The following CACNB4 variants were observed in gnomAD, a reference collection of about 807,000 sequenced individuals.
The protein encoded by CACNB4 is voltage-dependent L-type calcium channel subunit beta-4.
Under a neutral mutation model 71.2 loss-of-function variants are expected in CACNB4, and 32 were observed. The ratio of observed to expected loss-of-function variants is 0.45; its 90% CI spans 0.34 to 0.60. The LOEUF is 0.60. Ranked by LOEUF, CACNB4 falls within the 20% of genes least tolerant of loss-of-function variation. The pLI is 0.01. For synonymous variants in CACNB4, 231 were observed against 236.9 expected (o/e 0.97, Z 0.23); for missense variants, 464 against 647.9 (o/e 0.72, Z 3.08).
At chr2:151,898,762 C>T (rs1207123161) in intron 2 of CACNB4, among the ~76,000 whole-genome samples, 1 of 152,160 alleles carries the variant, frequency 6.6e-6, no homozygotes, top group Non-Finnish European at 1.5e-5. Context: ...GATAAATTCA[C>T]AAACCATATG....
intron 4 of CACNB4, chr2:151,880,312 C>G (rs1578608503): frequency 6.5e-6 from 1 of 154,894 alleles, no homozygotes; most frequent in African/African-American, 2.4e-5. Context: ...TCCCAGAGCC[C>G]TCTGCCCTTT....
rs997317840 is a variant in CACNB4, at chr2:151,982,903, C to T, written c.148-99533G>A. Among the ~76,000 whole-genome samples, 20 of 152,228 alleles carry T rather than the reference C, an allele frequency of 1.3e-4. No individual in the cohort carries two copies. In the South Asian group the frequency reaches 4.1e-3, roughly 32 times the overall value. Reference sequence around the variant, plus strand: ...GAGGTCAGTAGAATAGGAATAAAGACAACCAGAAAAATACATACAGAAAGT... The same window carrying T: ...GAGGTCAGTAGAATAGGAATAAAGATAACCAGAAAAATACATACAGAAAGT... On this transcript the variant is annotated intron_variant, in intron 2 of 13. Transcript: ENST00000539935.
chr2:151,918,957 G>A (rs1315493398), intron 2 of CACNB4, among the ~76,000 whole-genome samples: 1 of 152,154 alleles, frequency 6.6e-6, no homozygotes, highest in Non-Finnish European at 1.5e-5. Context: ...TAAATCAAAA[G>A]GTATGTAGGA....
chr2:152,073,337 T>A (rs1344908628), intron 2 of CACNB4, among the ~76,000 whole-genome samples: 1 of 152,080 alleles, frequency 6.6e-6, no homozygotes, highest in East Asian at 1.9e-4. Context: ...CACATCTCCC[T>A]CTCCAACCCT....
chr2:152,060,330 G>T (rs1463073079), intron 2 of CACNB4, among the ~76,000 whole-genome samples: 1 of 152,142 alleles, frequency 6.6e-6, no homozygotes, highest in Non-Finnish European at 1.5e-5. Context: ...TACATTAAAA[G>T]ATTTAAAATT....
At chr2:152,092,480 T>C (rs982291566) in intron 2 of CACNB4, among the ~76,000 whole-genome samples, 1 of 152,248 alleles carries the variant, frequency 6.6e-6, no homozygotes, top group Non-Finnish European at 1.5e-5. Context: ...GTAACGATCA[T>C]CTGATTAGCA....
chr2:152,091,926 G>A (rs1301014801), intron 2 of CACNB4, among the ~76,000 whole-genome samples: 2 of 152,232 alleles, frequency 1.3e-5, no homozygotes, highest in African/African-American at 2.4e-5. Context: ...TTCAACTGAT[G>A]CTATGGTTCT....
intron 2 of CACNB4, among the ~76,000 whole-genome samples, chr2:152,020,388 G>C (rs1164811499): frequency 6.6e-6 from 1 of 152,218 alleles, no homozygotes; most frequent in African/African-American, 2.4e-5. Context: ...TGGCAATGAA[G>C]TTGTGATGAT....
chr2:151,894,716 G>A (rs2099851568), intron 2 of CACNB4, among the ~76,000 whole-genome samples: 1 of 151,982 alleles, frequency 6.6e-6, no homozygotes, highest in South Asian at 2.1e-4. Flanking sequence ...TAATGTTGCA[G>A]GATACAAAAT....
intron 2 of CACNB4, among the ~76,000 whole-genome samples, chr2:152,007,286 C>T (rs769333387): frequency 3.9e-5 from 6 of 152,122 alleles, no homozygotes; most frequent in Non-Finnish European, 5.9e-5. Context: ...GATGTGCAAC[C>T]ATCATCACTA....
At chr2:151,987,085 T>C (rs1681412415) in intron 2 of CACNB4, among the ~76,000 whole-genome samples, 1 of 152,190 alleles carries the variant, frequency 6.6e-6, no homozygotes, top group African/African-American at 2.4e-5. Context: ...GGGAAATTCA[T>C]TCCAATTTTC....
At chr2:151,907,229 A>C (rs2151523142) in intron 2 of CACNB4, among the ~76,000 whole-genome samples, 1 of 152,328 alleles carries the variant, frequency 6.6e-6, no homozygotes, top group Admixed American at 6.5e-5. Flanking sequence ...TTAGGGACCT[A>C]GATCAGCTAG....
intron 2 of CACNB4, among the ~76,000 whole-genome samples, chr2:151,977,688 CA>C (rs1405121232): frequency 6.6e-6 from 1 of 152,110 alleles, no homozygotes; most frequent in African/African-American, 2.4e-5. Context: ...GATTTAGAAG[CA>C]AAAGGCAATT....
At position 152,098,736 on chromosome 2, in the gene CACNB4, G is replaced by GAAGGAGGGT; in HGVS notation, c.63+204_63+212dup. ...CTCCGGAGCGGGAGCGCAGAGACCC[G>GAAGGAGGGT]AAGGAGGGTGAGGAGGAGGAGGAAG... On this transcript the variant is annotated intron_variant, in intron 1 of 13. Coordinates refer to ENST00000539935, the MANE Select transcript of CACNB4 (RefSeq NM_000726.5). This position sits in a 1 kb window ranked among gnomAD's most constrained non-coding sequence, Gnocchi z 5.3. 6.5e-7 allele frequency: 1 copy of GAAGGAGGGT among 1,536,646 alleles called. No individual in the cohort carries two copies. The highest frequency in any genetic ancestry group is 8.8e-7 in the Non-Finnish European group (1 of 1,136,098).
At chr2:151,868,189 T>A (rs2099843674) in intron 9 of CACNB4, 1 of 152,198 alleles carries the variant, frequency 6.6e-6, no homozygotes, top group Non-Finnish European at 1.5e-5. Flanking sequence ...TATCTGAAGT[T>A]TTTTTACATT....
chr2:151,888,901 T>C (rs2099850048), intron 2 of CACNB4, among the ~76,000 whole-genome samples: 1 of 152,222 alleles, frequency 6.6e-6, no homozygotes, highest in Non-Finnish European at 1.5e-5. Context: ...ACTTTTACTG[T>C]AATGATGGAC....
chr2:151,974,499 C>A (rs1046129393), intron 2 of CACNB4, among the ~76,000 whole-genome samples: 14 of 152,188 alleles, frequency 9.2e-5, no homozygotes, highest in African/African-American at 3.4e-4. Context: ...CTCTGTGTCC[C>A]AACTGGTGAA....
At chr2:152,087,983 G>A (rs1420802601) in intron 2 of CACNB4, among the ~76,000 whole-genome samples, 1 of 152,118 alleles carries the variant, frequency 6.6e-6, no homozygotes, top group Non-Finnish European at 1.5e-5. Flanking sequence ...TCCAGAGTGA[G>A]CAAATCCAAA....
chr2:152,007,998 C>T (rs926564624), intron 2 of CACNB4, among the ~76,000 whole-genome samples: 1 of 152,162 alleles, frequency 6.6e-6, no homozygotes. Flanking sequence ...TCTTGAACTC[C>T]TGGCCTCAAG....
Sources: gnomAD v4.1 joint callset for allele counts (sites outside exome capture counted in the v4.1 genomes callset) on GRCh38, gnomAD v4.1.1 for gene constraint, Gnocchi (gnomAD v3.1) non-coding constraint, MANE v1.5 for transcripts, NCBI Gene and HGNC (gene_info 2026-07-23, HGNC 2026-07-21) for gene names.